The following ANKRD31 variants were observed in gnomAD, a reference collection of about 807,000 sequenced individuals.
ANKRD31 encodes ankyrin repeat domain-containing protein 31.
In ANKRD31, 147 loss-of-function variants were observed where a neutral mutation model predicts 186.0. That is an observed-to-expected ratio of 0.79 (90% CI 0.69 to 0.91). ANKRD31 has a LOEUF of 0.91. Ranked by LOEUF, ANKRD31 falls within the 40% of genes least tolerant of loss-of-function variation. The probability of loss-of-function intolerance (pLI) is 0.00; values close to 1 mark genes in which losing one functional copy is unlikely to be tolerated. For missense variants in ANKRD31, 1,986 were observed against 2,148.8 expected (o/e 0.92, Z 1.50); for synonymous variants, 673 against 736.4 (o/e 0.91, Z 1.39).
intron 2 of ANKRD31, among the ~76,000 whole-genome samples, chr5:75,225,093 G>T (rs757384154): frequency 6.6e-6 from 1 of 152,146 alleles, no homozygotes; most frequent in South Asian, 2.1e-4. Flanking sequence ...TATTTGCTGC[G>T]TTGGTTGTAG....
intron 24 of ANKRD31, among the ~76,000 whole-genome samples, chr5:75,083,663 G>A (rs1296503849): frequency 6.6e-6 from 1 of 152,052 alleles, no homozygotes; most frequent in South Asian, 2.1e-4. Flanking sequence ...CCAGGAGGCA[G>A]AGGTTGCAGT....
At chr5:75,152,666 C>G (rs1580440943) in intron 12 of ANKRD31, among the ~76,000 whole-genome samples, 1 of 151,968 alleles carries the variant, frequency 6.6e-6, no homozygotes, top group Admixed American at 6.6e-5. Context: ...TGAATGCCTA[C>G]TACGTACAAG....
At chr5:75,118,394 A>T (rs1748471738) in intron 17 of ANKRD31, 97 bp from the exon 18 acceptor site, 1 of 1,159,580 alleles carries the variant, frequency 8.6e-7, no homozygotes, top group East Asian at 3.0e-5. Context: ...AAAAGCTATC[A>T]AAAGAATGTT....
At chr5:75,214,223 C>G (rs902663979) in intron 3 of ANKRD31, among the ~76,000 whole-genome samples, 1 of 152,206 alleles carries the variant, frequency 6.6e-6, no homozygotes. Flanking sequence ...AATTTAAATA[C>G]ACAGTGATTT....
At chr5:75,093,825 G>T (rs574878366) in intron 22 of ANKRD31, among the ~76,000 whole-genome samples, 1 of 152,056 alleles carries the variant, frequency 6.6e-6, no homozygotes, top group African/African-American at 2.4e-5. Flanking sequence ...GCAAAATAAA[G>T]ACATTCCCAG....
intron 11 of ANKRD31, among the ~76,000 whole-genome samples, chr5:75,161,014 C>A (rs1752538592): frequency 6.6e-6 from 1 of 152,130 alleles, no homozygotes; most frequent in Non-Finnish European, 1.5e-5. Context: ...TCTTTATCAA[C>A]AGTGTAAAAA....
chr5:75,154,387 T>C (rs901489756), intron 11 of ANKRD31, 42 bp from the exon 12 acceptor site: 1 of 1,477,984 alleles, frequency 6.8e-7, no homozygotes, highest in Non-Finnish European at 9.0e-7. Context: ...AGATTGAGGG[T>C]GTATTACTGT....
intron 17 of ANKRD31, among the ~76,000 whole-genome samples, chr5:75,130,186 G>T (rs1053539192): frequency 6.6e-6 from 1 of 152,190 alleles, no homozygotes; most frequent in Admixed American, 6.5e-5. Context: ...AAGGTGGCAC[G>T]TCTGGAGTTG....
intron 15 of ANKRD31, among the ~76,000 whole-genome samples, chr5:75,143,489 A>C (rs1246816543): frequency 6.6e-6 from 1 of 152,134 alleles, no homozygotes; most frequent in Non-Finnish European, 1.5e-5. Context: ...AACAGACAGT[A>C]TGTAAATCAA....
At chr5:75,184,069 C>G (rs1261218239) in intron 10 of ANKRD31, among the ~76,000 whole-genome samples, 2 of 152,064 alleles carry the variant, frequency 1.3e-5, no homozygotes, top group African/African-American at 4.8e-5. Flanking sequence ...ACCAATATAA[C>G]AGAATACAAA....
rs779666257 is a variant in ANKRD31 at position 75,233,149 on chromosome 5, G to A, written c.105-2514C>T. ...ATAATCGCAGCTTACTGCAACCTCC[G>A]CCTTCCAGGTTCAAGCGATTCTCCT... is the stretch of plus-strand genomic sequence containing the variant. On this transcript the variant is annotated intron_variant, in intron 1 of 25. Coordinates refer to ENST00000506364, the MANE Select transcript of ANKRD31 (RefSeq NM_001372053.1). Among the ~76,000 whole-genome samples the A allele has an allele frequency of 6.6e-5, 10 of 151,226 alleles. No individual in the cohort carries two copies. In the South Asian group the frequency reaches 8.3e-4, roughly 13 times the overall value.
intron 22 of ANKRD31, among the ~76,000 whole-genome samples, chr5:75,098,331 T>C (rs923914858): frequency 3.9e-5 from 6 of 152,170 alleles, no homozygotes; most frequent in African/African-American, 1.2e-4. Context: ...TTGGTTACTG[T>C]AGCCTTGTAG....
chr5:75,115,669 C>G (rs1293047294), intron 19 of ANKRD31, among the ~76,000 whole-genome samples: 1 of 152,132 alleles, frequency 6.6e-6, no homozygotes, highest in African/African-American at 2.4e-5. Context: ...TGCTAACCAT[C>G]ACTGGCCATC....
At position 75,210,877 on chromosome 5, in the gene ANKRD31, A is replaced by T; in HGVS notation, c.289-12T>A. ...GTTTCATCTTGAGACTGCTAGGAAA[A>T]AAAAAAGTTTTTTCCAACTGATAAG... On this transcript the variant is annotated splice_polypyrimidine_tract_variant and intron_variant, in intron 3 of 25. Transcript: ENST00000506364. 1.3e-6 allele frequency: 2 copies of T among 1,506,354 alleles called. No homozygotes were observed. The highest frequency in any genetic ancestry group is 1.8e-6 in the Non-Finnish European group (2 of 1,136,870). The allele number at this position is 1,506,354 out of a possible 1,614,324, so 93.3% of individuals were successfully genotyped here. A position where few individuals can be genotyped will look rare whatever the true frequency, so the allele number is the denominator to read the frequency against.
At position 75,068,507 on chromosome 5, in the gene ANKRD31, G is replaced by T; in HGVS notation, c.*12C>A. The T allele has an allele frequency of 6.9e-7, 1 of 1,458,216 alleles. No homozygotes were observed. The highest frequency in any genetic ancestry group is 9.0e-7 in the Non-Finnish European group (1 of 1,111,530). 90.3% of individuals were successfully genotyped at this position (1,458,216 alleles called of 1,614,324 possible). On this transcript the variant is annotated 3_prime_UTR_variant, in exon 26 of 26. Transcript: ENST00000506364. Reference sequence around the variant, plus strand: ...GAACAAATATCCAATAAAATATTAAGAAACCAAGGTTTTAGGGTGTTAGTT... The same window carrying T: ...GAACAAATATCCAATAAAATATTAATAAACCAAGGTTTTAGGGTGTTAGTT...
In ANKRD31 at chr5:75,115,960, G is replaced by A. The variant is rs902338899; in HGVS notation, c.4155+606C>T. 9.8e-4 allele frequency among the ~76,000 whole-genome samples: 149 copies of A among 152,100 alleles called. No individual in the cohort carries two copies. The Middle Eastern group carries it at 0.01, about 10-fold the overall frequency. On this transcript the variant is annotated intron_variant, in intron 19 of 25. Transcript: ENST00000506364. ...TGCTGCTATAAAGACACATGCACAC[G>A]TATGTTTGTTGCGGCATTATTCACA...
intron 10 of ANKRD31, among the ~76,000 whole-genome samples, chr5:75,175,356 T>C (rs949728995): frequency 2.0e-5 from 3 of 152,092 alleles, no homozygotes; most frequent in Non-Finnish European, 4.4e-5. Context: ...GTTGTGCACA[T>C]GTACCCTAGA....
chr5:75,156,107 G>C (rs538874498), intron 11 of ANKRD31, among the ~76,000 whole-genome samples: 2 of 152,086 alleles, frequency 1.3e-5, no homozygotes, highest in Non-Finnish European at 2.9e-5. Context: ...GTTTCGCCTT[G>C]TTGGCCAGGC....
At position 75,104,409 on chromosome 5, in the gene ANKRD31, G is replaced by T; in HGVS notation, c.5150C>A (p.Ser1717Tyr). The T allele has an allele frequency of 6.5e-7, 1 of 1,537,206 alleles. No individual in the cohort carries two copies. The highest frequency in any genetic ancestry group is 8.7e-7 in the Non-Finnish European group (1 of 1,146,904). The change falls in exon 22 of 26, where the codon TCT becomes TAT. Residue 1717 changes from serine to tyrosine, a missense_variant. By Grantham distance (144) the Ser-to-Tyr change is moderately radical (BLOSUM62 -2). Coordinates refer to ENST00000506364, the MANE Select transcript of ANKRD31 (RefSeq NM_001372053.1). ...QMKPYLKKSV[S>Y]VVPCADDSQI... is the part of the protein sequence containing the mutation. Reference sequence around the variant, plus strand: ...ACTGTCATCTGCACATGGAACAACAGAAACTGATTTTTTAAGATATGGTTT... The same window carrying T: ...ACTGTCATCTGCACATGGAACAACATAAACTGATTTTTTAAGATATGGTTT...
Sources: gnomAD v4.1 joint callset for allele counts (sites outside exome capture counted in the v4.1 genomes callset) on GRCh38, gnomAD v4.1.1 for gene constraint, MANE v1.5 for transcripts, NCBI Gene and HGNC (gene_info 2026-07-23, HGNC 2026-07-21) for gene names.